The following CASP10 variants were observed in gnomAD, a reference collection of about 807,000 sequenced individuals.
CASP10 encodes the protein caspase-10.
Under a neutral mutation model 48.5 loss-of-function variants are expected in CASP10, and 41 were observed. The ratio of observed to expected loss-of-function variants is 0.85; its 90% CI spans 0.66 to 1.10. The LOEUF (loss-of-function observed/expected upper bound fraction) is 1.10. CASP10 is among the 50% of genes least tolerant of loss of function. CASP10 has a pLI of 0.00. For missense variants in CASP10, 614 were observed against 614.5 expected (o/e 1.00, Z 0.01); for synonymous variants, 232 against 238.4 (o/e 0.97, Z 0.25).
chr2:201,227,372 A>G (rs545324900), intron 9 of CASP10, among the ~76,000 whole-genome samples: 24 of 152,058 alleles, frequency 1.6e-4, no homozygotes, highest in Admixed American at 7.2e-4. Context: ...TGTAATTAAT[A>G]TGATCAGTGT....
intron 5 of CASP10, among the ~76,000 whole-genome samples, chr2:201,201,035 C>A (rs1159996756): frequency 6.6e-6 from 1 of 151,954 alleles, no homozygotes; most frequent in African/African-American, 2.4e-5. Flanking sequence ...CCCGCTCCCC[C>A]AGAAGCTCTT....
intron 9 of CASP10, 68 bp from the exon 10 acceptor site, chr2:201,217,520 C>G: frequency 1.0e-6 from 1 of 994,132 alleles, no homozygotes. Flanking sequence ...GATCACACCA[C>G]TGCACTCCAG....
chr2:201,185,295 T>A (rs1166740145), intron 1 of CASP10, among the ~76,000 whole-genome samples: 1 of 152,188 alleles, frequency 6.6e-6, no homozygotes, highest in Non-Finnish European at 1.5e-5. Flanking sequence ...GTAACACACA[T>A]ACCTCACGGT....
intron 3 of CASP10, among the ~76,000 whole-genome samples, chr2:201,189,598 T>TA (rs1197988282): frequency 6.6e-6 from 1 of 152,168 alleles, no homozygotes; most frequent in Non-Finnish European, 1.5e-5. Flanking sequence ...ATTGGTATCT[T>TA]ATCATTCTCT....
At chr2:201,198,368 C>T (rs1274531700) in intron 5 of CASP10, among the ~76,000 whole-genome samples, 7 of 150,908 alleles carry the variant, frequency 4.6e-5, no homozygotes, top group East Asian at 3.9e-4. Flanking sequence ...GGATTACAGG[C>T]GCGCATCAAC....
chr2:201,205,584 T>G (rs536918312), intron 6 of CASP10, among the ~76,000 whole-genome samples: 5 of 152,178 alleles, frequency 3.3e-5, no homozygotes, highest in Admixed American at 6.5e-5. Context: ...TTATATCCAG[T>G]GACATAAATG....
chr2:201,186,527 G>T (rs1944421611), intron 2 of CASP10: 1 of 197,556 alleles, frequency 5.1e-6, no homozygotes, highest in African/African-American at 2.3e-5. Context: ...AAATAAGCAA[G>T]ATGAAAAAAG....
Position 201,209,554 on chromosome 2 carries a change from G to A in CASP10, c.1407G>A (p.Leu469=). The A allele has an allele frequency of 6.2e-7, 1 of 1,605,978 alleles. No homozygotes were observed. Among genetic ancestry groups the A allele is most frequent in the Non-Finnish European group, 8.5e-7 (1 of 1,177,828 alleles). The change falls in exon 9 of 10, where the codon TTG becomes TTA. Residue 469 remains leucine, a synonymous_variant. Transcript: ENST00000286186. ...CTCTGTGTAATCATCTGAAGAAATT[G>A]GTCCCAAGGTGAGAGCTCTTTTTTT... ...IQSLCNHLKK[L]VPRHEDILSI...
chr2:201,193,155 A>G (rs992951593), intron 4 of CASP10, 36 bp downstream of exon 4: 2 of 1,606,876 alleles, frequency 1.2e-6, no homozygotes, highest in Admixed American at 3.3e-5. Context: ...GGACCAGACC[A>G]TGGAAATTCT....
chr2:201,220,075 A>G lies in CASP10; in HGVS notation c.*2334A>G. Reference sequence around the variant, plus strand: ...AATTCATGTACAGTAAATTTGTTATAAGAATATTCACAAGAACACTGTTCT... The same window carrying G: ...AATTCATGTACAGTAAATTTGTTATGAGAATATTCACAAGAACACTGTTCT... On this transcript the variant is annotated 3_prime_UTR_variant, in exon 10 of 10. Transcript: ENST00000286186. 3.0e-6 allele frequency: 3 copies of G among 985,362 alleles called. No individual in the cohort carries two copies. The highest frequency in any genetic ancestry group is 3.6e-6 in the Non-Finnish European group (3 of 829,836). 61.0% of individuals were successfully genotyped at this position (985,362 alleles called of 1,614,324 possible).
intron 9 of CASP10, among the ~76,000 whole-genome samples, chr2:201,211,164 A>G (rs1161342234): frequency 6.6e-6 from 1 of 152,192 alleles, no homozygotes; most frequent in Non-Finnish European, 1.5e-5. Context: ...TGATTTAAAT[A>G]TGGGATCTCA....
At chr2:201,188,116 G>A (rs879510799) in intron 3 of CASP10, among the ~76,000 whole-genome samples, 1 of 152,176 alleles carries the variant, frequency 6.6e-6, no homozygotes. Context: ...ATTAGCATGA[G>A]GCCAATATTT....
In CASP10 at chr2:201,217,754, G is replaced by T. The variant is rs756812067; in HGVS notation, c.*13G>T. On this transcript the variant is annotated 3_prime_UTR_variant, in exon 10 of 10. Transcript: ENST00000286186. ...ACTTTCATTATAGCAGAGAGTTTTT[G>T]TTGGTTCTTAGACCTCAAACGAATC... is the stretch of plus-strand genomic sequence containing the variant. 1.2e-6 allele frequency: 2 copies of T among 1,613,722 alleles called. No homozygotes were observed. Among genetic ancestry groups the T allele is most frequent in the Middle Eastern group, 1.7e-4 (1 of 6,058 alleles).
intron 5 of CASP10, among the ~76,000 whole-genome samples, chr2:201,202,297 G>T (rs765408835): frequency 2.6e-5 from 4 of 152,160 alleles, no homozygotes; most frequent in Non-Finnish European, 4.4e-5. Flanking sequence ...ATTCAGTGTG[G>T]CCAGGCTGTG....
rs1435946624 is a variant in CASP10, at chr2:201,219,726, A to G, written c.*1985A>G. The G allele has an allele frequency of 1.1e-6, 1 of 936,290 alleles. No individual in the cohort carries two copies. The highest frequency in any genetic ancestry group is 2.1e-5 in the African/African-American group (1 of 48,054). The allele number at this position is 936,290 out of a possible 1,614,324, so 58.0% of individuals were successfully genotyped here. On this transcript the variant is annotated 3_prime_UTR_variant, in exon 10 of 10. Coordinates refer to ENST00000286186, the MANE Select transcript of CASP10 (RefSeq NM_032977.4). ...TGAGCTTTTTTTTTTTTTTTTTTCA[A>G]TTTCTAGAGGAACTTTTTCTCTGTT... is the stretch of plus-strand genomic sequence containing the variant.
chr2:201,215,088 T>C (rs1945525052), intron 9 of CASP10: 1 of 152,110 alleles, frequency 6.6e-6, no homozygotes, highest in African/African-American at 2.4e-5. Flanking sequence ...CATTTTTAAA[T>C]GGGGTTATTT....
intron 4 of CASP10, 130 bp downstream of exon 4, chr2:201,193,249 C>T (rs964276431): frequency 2.1e-6 from 2 of 952,274 alleles, no homozygotes; most frequent in South Asian, 1.4e-5. Flanking sequence ...ACTCTGTCAC[C>T]CAGGCTGGAG....
chr2:201,199,228 T>C (rs1009828403), intron 5 of CASP10, among the ~76,000 whole-genome samples: 1 of 152,244 alleles, frequency 6.6e-6, no homozygotes, highest in African/African-American at 2.4e-5. Context: ...TCAATGCCAG[T>C]AAAGTTATGT....
chr2:201,225,669 A>G (rs77715680), downstream of CASP10, among the ~76,000 whole-genome samples: 541 of 152,312 alleles, frequency 3.6e-3, 2 homozygotes, highest in African/African-American at 0.012. Context: ...CAAAAACAAC[A>G]TTTAAAAATT....
Sources: allele counts gnomAD v4.1 joint callset (sites outside exome capture counted in the v4.1 genomes callset), GRCh38; gene constraint gnomAD v4.1.1; transcripts MANE v1.5; gene names NCBI Gene and HGNC (gene_info 2026-07-23, HGNC 2026-07-21).